The following GNAL variants were observed in gnomAD, a reference collection of about 807,000 sequenced individuals.
GNAL encodes the protein G protein subunit alpha L.
Under a neutral mutation model 55.1 loss-of-function variants are expected in GNAL, and 18 were observed. The ratio of observed to expected loss-of-function variants is 0.33; its 90% CI spans 0.23 to 0.48. The LOEUF (loss-of-function observed/expected upper bound fraction) is 0.48. Ranked by LOEUF, GNAL falls within the 20% of genes least tolerant of loss-of-function variation. The pLI is 0.99. For missense variants in GNAL, 412 were observed against 614.1 expected (o/e 0.67, Z 3.48); for synonymous variants, 253 against 237.0 (o/e 1.07, Z -0.62).
intron 4 of GNAL, among the ~76,000 whole-genome samples, 194 bp from the exon 5 acceptor site, chr18:11,824,724 G>A (rs183935920): frequency 5.3e-5 from 8 of 152,034 alleles, no homozygotes; most frequent in Admixed American, 2.0e-4. Context: ...TTTGACTTGA[G>A]TAATGATAAC....
chr18:11,787,348 A>G (rs2034088398), intron 4 of GNAL, among the ~76,000 whole-genome samples: 1 of 152,200 alleles, frequency 6.6e-6, no homozygotes, highest in Admixed American at 6.5e-5. Flanking sequence ...CTGCCAATAC[A>G]TCACTTTTTT....
intron 10 of GNAL, 85 bp from the exon 11 acceptor site, chr18:11,876,536 A>G: frequency 1.2e-6 from 1 of 832,710 alleles, no homozygotes; most frequent in South Asian, 1.4e-5. Context: ...ACAGCAGTCT[A>G]ACGTTGAAAT....
In GNAL at chr18:11,760,856, T is replaced by C. The variant is rs1330836662; in HGVS notation, c.624+6911T>C. Among the ~76,000 whole-genome samples the C allele has an allele frequency of 2.6e-5, 4 of 152,338 alleles. No homozygotes were observed. The East Asian group carries it at 5.8e-4, about 22-fold the overall frequency. The stretch of plus-strand genomic sequence containing the variant: ...CTAGCCCTGCCAGACCCTTTGTATG[T>C]GACCTTGAGCACATGACCTCATTGC... On this transcript the variant is annotated intron_variant, in intron 4 of 11. Coordinates refer to ENST00000334049, the MANE Select transcript of GNAL (RefSeq NM_182978.4).
chr18:11,772,219 T>C (rs1461791143), intron 4 of GNAL, among the ~76,000 whole-genome samples: 3 of 152,172 alleles, frequency 2.0e-5, no homozygotes, highest in African/African-American at 7.2e-5. Context: ...GGACAGATAA[T>C]AGAAAAGAGT....
rs2035883755 is a variant in GNAL, at chr18:11,852,017, C to T, written c.723-10378C>T. On this transcript the variant is annotated intron_variant, in intron 5 of 11. Coordinates refer to ENST00000334049, the MANE Select transcript of GNAL (RefSeq NM_182978.4). ...GGCCTCGACCTCAACATGGAGCTGCCGCAGGGCCAGACCGGCTCCGTGGGC... is the reference window on the plus strand; with the variant it reads ...GGCCTCGACCTCAACATGGAGCTGCTGCAGGGCCAGACCGGCTCCGTGGGC... 3 of 1,613,784 alleles carry T rather than the reference C, an allele frequency of 1.9e-6. No individual in the cohort carries two copies. The highest frequency in any genetic ancestry group is 2.5e-6 in the Non-Finnish European group (3 of 1,179,852).
Position 11,860,884 on chromosome 18 carries a change from C to T in GNAL, c.723-1511C>T, listed in dbSNP as rs559335064. Among the ~76,000 whole-genome samples the T allele has an allele frequency of 2.2e-4, 34 of 152,292 alleles. No homozygotes were observed. In the South Asian group the frequency reaches 6.6e-3, roughly 30 times the overall value. ...AGCGGGAGGTCAGCCAGCCAGCCAG[C>T]CTTGCAGCTGAGGCTTCTCAAGTGC... On this transcript the variant is annotated intron_variant, in intron 5 of 11. Transcript: ENST00000334049.
At chr18:11,788,931 A>ATATG (rs2034151761) in intron 4 of GNAL, among the ~76,000 whole-genome samples, 2 of 137,796 alleles carry the variant, frequency 1.5e-5, no homozygotes, top group South Asian at 4.5e-4. Flanking sequence ...ATATATATAT[A>ATATG]TATATACACA....
At position 11,753,840 on chromosome 18, in the gene GNAL, A is replaced by G; in HGVS notation, c.519A>G (p.Ala173=). 5 of 1,609,210 alleles carry G rather than the reference A, an allele frequency of 3.1e-6. No individual in the cohort carries two copies. Among genetic ancestry groups the G allele is most frequent in the Non-Finnish European group, 4.3e-6 (5 of 1,175,740 alleles). ...VKDAIVTIVS[A]MSTIIPPVPL... Reference sequence around the variant, plus strand: ...TTCCATTTTAGACAATTGTTTCAGCAATGAGTACTATAATACCTCCAGTTC... The same window carrying G: ...TTCCATTTTAGACAATTGTTTCAGCGATGAGTACTATAATACCTCCAGTTC... The change falls in exon 4 of 12, where the codon GCA becomes GCG. Residue 173 remains alanine, a synonymous_variant. Coordinates refer to ENST00000334049, the MANE Select transcript of GNAL (RefSeq NM_182978.4).
chr18:11,828,116 C>T (rs2035295007), intron 5 of GNAL, among the ~76,000 whole-genome samples: 1 of 152,180 alleles, frequency 6.6e-6, no homozygotes, highest in Non-Finnish European at 1.5e-5. Flanking sequence ...TTTGGAAAGG[C>T]TCTCAGGGGA....
intron 4 of GNAL, among the ~76,000 whole-genome samples, chr18:11,822,653 C>T (rs190300159): frequency 6.6e-6 from 1 of 152,144 alleles, no homozygotes; most frequent in African/African-American, 2.4e-5. Context: ...TCTCAACCCT[C>T]TCACTGACCT....
At chr18:11,857,550 G>A (rs942572210) in intron 5 of GNAL, 1 of 985,272 alleles carries the variant, frequency 1.0e-6, no homozygotes, top group Non-Finnish European at 1.2e-6. Flanking sequence ...GAGAAATGAT[G>A]GTTCAGGCAG....
chr18:11,743,864 C>T (rs907554617), intron 1 of GNAL, among the ~76,000 whole-genome samples: 20 of 152,166 alleles, frequency 1.3e-4, no homozygotes, highest in Non-Finnish European at 2.8e-4. Context: ...TGTGTGGTTT[C>T]TCTTAAAATA....
At chr18:11,777,806 T>G (rs924862700) in intron 4 of GNAL, among the ~76,000 whole-genome samples, 1 of 152,106 alleles carries the variant, frequency 6.6e-6, no homozygotes, top group Non-Finnish European at 1.5e-5. Flanking sequence ...GCTGGAGACA[T>G]ACGAGCTCCT....
Position 11,885,447 on chromosome 18 carries a change from G to A in GNAL, c.*4312G>A. 2 of 552,584 alleles carry A rather than the reference G, an allele frequency of 3.6e-6. No homozygotes were observed. Among genetic ancestry groups the A allele is most frequent in the South Asian group, 4.5e-5 (2 of 44,646 alleles). The allele number at this position is 552,584 out of a possible 1,614,324, so 34.2% of individuals were successfully genotyped here. A position where few individuals can be genotyped will look rare whatever the true frequency, so the allele number is the denominator to read the frequency against. On this transcript the variant is annotated 3_prime_UTR_variant, in exon 12 of 12. Transcript: ENST00000334049. ...CCTCCCTGAAGGATAAAGTCCACCT[G>A]GACGGTGCCCTGCCCTCGCTTCTCA...
chr18:11,860,174 C>T (rs1180430133), intron 5 of GNAL, among the ~76,000 whole-genome samples: 2 of 152,172 alleles, frequency 1.3e-5, no homozygotes, highest in South Asian at 2.1e-4. Context: ...CCCACTGTTT[C>T]CTATCGCTAT....
intron 4 of GNAL, among the ~76,000 whole-genome samples, chr18:11,764,770 G>A (rs1173479899): frequency 6.6e-6 from 1 of 150,448 alleles, no homozygotes; most frequent in Non-Finnish European, 1.5e-5. Flanking sequence ...GTGAGACCCT[G>A]TCTCAAAACA....
intron 1 of GNAL, among the ~76,000 whole-genome samples, chr18:11,735,685 G>A (rs1304537652): frequency 2.0e-5 from 3 of 151,728 alleles, no homozygotes. Flanking sequence ...CCTAGAGGTG[G>A]AGGAGTTTGC....
intron 1 of GNAL, among the ~76,000 whole-genome samples, chr18:11,696,651 C>T (rs1048152645): frequency 1.3e-5 from 2 of 152,116 alleles, no homozygotes; most frequent in Non-Finnish European, 2.9e-5. Flanking sequence ...TGGAAACTGC[C>T]GTTGTTTACA....
At chr18:11,769,909 A>AT (rs2033580998) in intron 4 of GNAL, among the ~76,000 whole-genome samples, 1 of 152,136 alleles carries the variant, frequency 6.6e-6, no homozygotes, top group African/African-American at 2.4e-5. Flanking sequence ...AATGATGAAC[A>AT]TTTTTTTAAA....
Sources: gnomAD v4.1 joint callset for allele counts (sites outside exome capture counted in the v4.1 genomes callset) on GRCh38, gnomAD v4.1.1 for gene constraint, MANE v1.5 for transcripts, NCBI Gene and HGNC (gene_info 2026-07-23, HGNC 2026-07-21) for gene names.